LRRC7: variants seen among roughly 807,000 people sequenced by gnomAD.
LRRC7 encodes leucine-rich repeat-containing protein 7.
LRRC7 carries 23 observed loss-of-function variants against 175.7 expected under a neutral mutation model. That is an observed-to-expected ratio of 0.13 (90% CI 0.09 to 0.19). The LOEUF (loss-of-function observed/expected upper bound fraction) is 0.19, where lower values mean the gene tolerates loss of function less well. Among genes scored for constraint, LRRC7 ranks in the 10% least tolerant of loss-of-function variants. LRRC7 has a pLI of 1.00. For missense variants in LRRC7, 1,354 were observed against 1,904.7 expected (o/e 0.71, Z 5.38); for synonymous variants, 685 against 680.9 (o/e 1.01, Z -0.09).
At chr1:69,988,244 G>A (rs1269127262) in intron 10 of LRRC7, among the ~76,000 whole-genome samples, 3 of 151,918 alleles carry the variant, frequency 2.0e-5, no homozygotes, top group Non-Finnish European at 4.4e-5. Flanking sequence ...CATATTCTAC[G>A]TGCTGTTTGA....
At chr1:69,956,918 A>C (rs182587685) in intron 8 of LRRC7, among the ~76,000 whole-genome samples, 1 of 151,738 alleles carries the variant, frequency 6.6e-6, no homozygotes. Context: ...TCTACGTAAC[A>C]TTACTATGCA....
At chr1:69,727,945 A>C (rs1343598931) in intron 2 of LRRC7, among the ~76,000 whole-genome samples, 2 of 152,180 alleles carry the variant, frequency 1.3e-5, no homozygotes, top group African/African-American at 4.8e-5. Context: ...AAGGGATTTG[A>C]ATCAACATGA....
chr1:69,650,708 C>T (rs1490379591), intron 1 of LRRC7, among the ~76,000 whole-genome samples: 6 of 115,540 alleles, frequency 5.2e-5, no homozygotes, highest in Non-Finnish European at 1.1e-4. Context: ...TGTTTTTAGC[C>T]ATAGCTTCCT....
intron 8 of LRRC7, among the ~76,000 whole-genome samples, chr1:69,951,108 C>T (rs1376035793): frequency 6.7e-6 from 1 of 149,958 alleles, no homozygotes; most frequent in Non-Finnish European, 1.5e-5. Flanking sequence ...AAAAAAAAAC[C>T]ATTAAAAAGA....
intron 1 of LRRC7, among the ~76,000 whole-genome samples, chr1:69,589,517 T>A (rs559668329): frequency 3.9e-5 from 6 of 152,140 alleles, no homozygotes; most frequent in African/African-American, 1.4e-4. Context: ...AGTCTCTAAA[T>A]GGACACTTTG....
At chr1:69,733,261 G>A (rs755547418) in intron 2 of LRRC7, among the ~76,000 whole-genome samples, 1 of 151,982 alleles carries the variant, frequency 6.6e-6, no homozygotes, top group Non-Finnish European at 1.5e-5. Flanking sequence ...CAAGATTCCT[G>A]ATGATACTTG....
At position 70,061,788 on chromosome 1, in the gene LRRC7, C is replaced by G. The variant is rs188847086; in HGVS notation, c.4230+8643C>G. On this transcript the variant is annotated intron_variant, in intron 23 of 26. Coordinates refer to ENST00000651989, the MANE Select transcript of LRRC7 (RefSeq NM_001370785.2). ...AATTACCTCTAGATCTACGGAAATG[C>G]AACCATACTTTCCTTGGAGTTTTGG... Among the ~76,000 whole-genome samples, 366 of 152,240 alleles carry G rather than the reference C, an allele frequency of 2.4e-3. 2 individuals are homozygous for G. Among genetic ancestry groups the G allele is most frequent in the Non-Finnish European group, 3.6e-3 (243 of 68,020 alleles).
rs549080400 is a variant in LRRC7 at position 69,673,554 on chromosome 1, G to T, written c.3-4827G>T. Among the ~76,000 whole-genome samples, 76 of 152,282 alleles carry T rather than the reference G, an allele frequency of 5.0e-4. No individual in the cohort carries two copies. In the South Asian group the frequency reaches 0.015, roughly 31 times the overall value. On this transcript the variant is annotated intron_variant, in intron 1 of 26. Coordinates refer to ENST00000651989, the MANE Select transcript of LRRC7 (RefSeq NM_001370785.2). ...TTGCAGTGACCTGGCTGTGCTCCAAGATTTCATTTTTGGTCATTTTGTCTG... is the reference window on the plus strand; with the variant it reads ...TTGCAGTGACCTGGCTGTGCTCCAATATTTCATTTTTGGTCATTTTGTCTG...
intron 3 of LRRC7, among the ~76,000 whole-genome samples, chr1:69,763,403 A>G (rs76142620): frequency 0.02 from 3,069 of 152,176 alleles, 45 homozygotes; most frequent in Non-Finnish European, 0.031. Flanking sequence ...TCTCCCCTAA[A>G]ATTCTTCAAC....
At chr1:69,692,163 C>G (rs768193813) in intron 2 of LRRC7, among the ~76,000 whole-genome samples, 13 of 152,154 alleles carry the variant, frequency 8.5e-5, no homozygotes, top group African/African-American at 3.1e-4. Context: ...ACAAAACTTA[C>G]AGCAGTGAGG....
intron 7 of LRRC7, among the ~76,000 whole-genome samples, chr1:69,862,517 A>G (rs1330049841): frequency 2.6e-5 from 4 of 152,184 alleles, no homozygotes; most frequent in Admixed American, 1.3e-4. Context: ...ACTAACAGTC[A>G]TGTTCCCTTC....
intron 2 of LRRC7, among the ~76,000 whole-genome samples, chr1:69,755,789 A>T (rs1025292912): frequency 7.2e-5 from 11 of 151,926 alleles, no homozygotes; most frequent in African/African-American, 2.4e-4. Context: ...GAAGGCCAGA[A>T]TATTTTTCTC....
chr1:70,061,180 C>T (rs1446785635), intron 23 of LRRC7, among the ~76,000 whole-genome samples: 1 of 152,114 alleles, frequency 6.6e-6, no homozygotes, highest in Non-Finnish European at 1.5e-5. Context: ...CCGAGAGTAG[C>T]AAAGTTTTCA....
chr1:70,121,105 CT>C (rs1558085926), intron 26 of LRRC7, among the ~76,000 whole-genome samples: 1 of 151,856 alleles, frequency 6.6e-6, no homozygotes, highest in Admixed American at 6.6e-5. Context: ...ATATCAATTG[CT>C]TATATCAATG....
intron 7 of LRRC7, among the ~76,000 whole-genome samples, chr1:69,879,152 G>T (rs1005636052): frequency 6.9e-6 from 1 of 145,112 alleles, no homozygotes; most frequent in Non-Finnish European, 1.5e-5. Context: ...GTTCGGGTGG[G>T]GAGTATATGA....
chr1:69,922,421 C>A (rs1435149378), intron 7 of LRRC7, among the ~76,000 whole-genome samples: 8 of 152,166 alleles, frequency 5.3e-5, no homozygotes. Flanking sequence ...TGTTCTCTAG[C>A]AACCTACACG....
chr1:69,637,558 G>GA (rs1653581935), intron 1 of LRRC7, among the ~76,000 whole-genome samples: 1 of 151,812 alleles, frequency 6.6e-6, no homozygotes, highest in African/African-American at 2.4e-5. Flanking sequence ...TAAAATTTTG[G>GA]AAAATTGACT....
intron 1 of LRRC7, among the ~76,000 whole-genome samples, chr1:69,591,040 A>G (rs1321672331): frequency 6.6e-6 from 1 of 152,146 alleles, no homozygotes; most frequent in African/African-American, 2.4e-5. Context: ...GCTACACATA[A>G]AGTTTAATTT....
chr1:69,907,369 C>T (rs368578962), intron 7 of LRRC7, among the ~76,000 whole-genome samples: 3 of 152,088 alleles, frequency 2.0e-5, no homozygotes, highest in Admixed American at 6.5e-5. Flanking sequence ...CCAGTTTTTG[C>T]CCATTCAGTA....
Sources: allele counts gnomAD v4.1 joint callset (sites outside exome capture counted in the v4.1 genomes callset), GRCh38; gene constraint gnomAD v4.1.1; transcripts MANE v1.5; gene names NCBI Gene and HGNC (gene_info 2026-07-23, HGNC 2026-07-21).